The following MAST4 variants were observed in gnomAD, a reference collection of about 807,000 sequenced individuals.
The protein encoded by MAST4 is microtubule associated serine/threonine kinase family member 4.
A neutral mutation model predicts 162.7 loss-of-function variants in MAST4; 89 were observed. That is an observed-to-expected ratio of 0.55 (90% CI 0.46 to 0.65). MAST4 has a LOEUF of 0.65. Ranked by LOEUF, MAST4 falls within the 30% of genes least tolerant of loss-of-function variation. The pLI is 0.00. For missense variants in MAST4, 3,153 were observed against 3,374.0 expected, an observed-to-expected ratio of 0.93 and a Z score of 1.62; for synonymous variants, 1,479 against 1,361.1, an observed-to-expected ratio of 1.09 and a Z score of -1.91.
intron 4 of MAST4, among the ~76,000 whole-genome samples, chr5:66,957,302 T>C (rs1373780214): frequency 2.0e-5 from 3 of 152,082 alleles, no homozygotes; most frequent in Non-Finnish European, 4.4e-5. Flanking sequence ...CGACCAACTT[T>C]CCTAAGGAAA....
intron 2 of MAST4, among the ~76,000 whole-genome samples, chr5:66,768,422 A>C (rs1370733469): frequency 1.3e-5 from 2 of 152,214 alleles, no homozygotes; most frequent in Non-Finnish European, 1.5e-5. Flanking sequence ...CAGGTAGTTC[A>C]AGTGCACCTA....
chr5:66,837,894 ATTTTTTTTTTTTT>A (rs754095073), intron 3 of MAST4, among the ~76,000 whole-genome samples: 199 of 53,684 alleles, frequency 3.7e-3, no homozygotes, highest in African/African-American at 0.013. Context: ...ATATATATAT[ATTTTTTTTTTTTT>A]TTTTTTTTTT....
At chr5:66,985,157 A>T (rs1749337304) in intron 4 of MAST4, among the ~76,000 whole-genome samples, 1 of 152,176 alleles carries the variant, frequency 6.6e-6, no homozygotes, top group East Asian at 1.9e-4. Flanking sequence ...GAGGAAGACC[A>T]GCCAGGTGAT....
At chr5:66,920,877 T>G (rs748914846) in intron 4 of MAST4, among the ~76,000 whole-genome samples, 1 of 152,200 alleles carries the variant, frequency 6.6e-6, no homozygotes, top group Admixed American at 6.5e-5. Context: ...TAGAGAACTT[T>G]TCTGTTTTTG....
At chr5:66,920,870 A>G (rs1301923896) in intron 4 of MAST4, among the ~76,000 whole-genome samples, 1 of 152,224 alleles carries the variant, frequency 6.6e-6, no homozygotes, top group Non-Finnish European at 1.5e-5. Flanking sequence ...ATTAGAATAG[A>G]GAACTTTTCT....
chr5:66,981,526 G>C (rs1311174741), intron 4 of MAST4, among the ~76,000 whole-genome samples: 2 of 152,148 alleles, frequency 1.3e-5, no homozygotes, highest in Non-Finnish European at 2.9e-5. Flanking sequence ...CCTGCGCCAG[G>C]GATTTGCCAA....
intron 1 of MAST4, among the ~76,000 whole-genome samples, chr5:66,722,856 C>A (rs1359515383): frequency 2.0e-5 from 3 of 152,152 alleles, no homozygotes; most frequent in Non-Finnish European, 4.4e-5. Context: ...ACCCTCCTTA[C>A]TTCCGAGTCA....
chr5:67,020,093 G>A (rs1041145363), intron 4 of MAST4, among the ~76,000 whole-genome samples: 2 of 152,128 alleles, frequency 1.3e-5, no homozygotes, highest in African/African-American at 4.8e-5. Flanking sequence ...TTGAGTTTCA[G>A]GCACTGAACT....
intron 4 of MAST4, among the ~76,000 whole-genome samples, chr5:66,968,219 A>G (rs977986147): frequency 6.6e-6 from 1 of 152,096 alleles, no homozygotes; most frequent in African/African-American, 2.4e-5. Flanking sequence ...ATCTTCCTGG[A>G]TGATAACCAC....
chr5:66,903,330 A>G (rs1195659562), intron 4 of MAST4, among the ~76,000 whole-genome samples: 1 of 152,162 alleles, frequency 6.6e-6, no homozygotes, highest in Non-Finnish European at 1.5e-5. Flanking sequence ...TTTATGTAAA[A>G]TACTCAGTGA....
At chr5:67,014,610 A>G (rs976036138) in intron 4 of MAST4, among the ~76,000 whole-genome samples, 5 of 152,172 alleles carry the variant, frequency 3.3e-5, no homozygotes, top group African/African-American at 1.2e-4. Flanking sequence ...CTCTCCTGTG[A>G]AGTTCAGGCA....
intron 4 of MAST4, among the ~76,000 whole-genome samples, chr5:66,928,183 T>C (rs1029407604): frequency 6.6e-6 from 1 of 152,202 alleles, no homozygotes. Context: ...CAGTGCATAA[T>C]ACCCCTTCTG....
At chr5:67,035,424 G>A (rs1358937631) in intron 4 of MAST4, among the ~76,000 whole-genome samples, 2 of 152,136 alleles carry the variant, frequency 1.3e-5, no homozygotes, top group Non-Finnish European at 2.9e-5. Flanking sequence ...GGTATTGTGG[G>A]TTGTCATTGA....
intron 1 of MAST4, among the ~76,000 whole-genome samples, chr5:66,672,653 C>A (rs1747680301): frequency 6.6e-6 from 1 of 152,132 alleles, no homozygotes; most frequent in African/African-American, 2.4e-5. Flanking sequence ...CTTTCTGCCG[C>A]CTGTGATGCA....
In MAST4 at chr5:67,163,935, A is replaced by G. The variant is rs1421311289; in HGVS notation, c.4756A>G (p.Thr1586Ala). Residue 1586 changes from threonine to alanine, a missense_variant, in exon 29 of 29, where the codon ACT becomes GCT. By Grantham distance (58) the Thr-to-Ala change is moderately conservative (BLOSUM62 0). Transcript: ENST00000403625. This position sits in a 1 kb window ranked among gnomAD's most constrained non-coding sequence, Gnocchi z 7.0. ...TCCGAAGGCTGTGGAAAGGTCAAGT[A>G]CTTTTGAAAACAAAGCGTCTATGCA... ...VYPKAVERSS[T>A]FENKASMQEA... The G allele has an allele frequency of 6.2e-7, 1 of 1,613,796 alleles. No homozygotes were observed. The highest frequency in any genetic ancestry group is 1.1e-5 in the South Asian group (1 of 91,018).
rs34963439 is a variant in MAST4, at chr5:66,907,158, CGAGAGAGAGAGAGAGAGAGAGAGAGAGA to C, written c.674+7198_674+7225del. ...AAAGGAAAAATAACTCTCAGCAAAG[CGAGAGAGAGAGAGAGAGAGAGAGAGAGA>C]GAGAGAGAGAGAGAGAGAGAGTCCT... On this transcript the variant is annotated intron_variant, in intron 4 of 28. Coordinates refer to ENST00000403625, the MANE Select transcript of MAST4 (RefSeq NM_001164664.2). Among the ~76,000 whole-genome samples the C allele has an allele frequency of 2.0e-3, 213 of 104,358 alleles. 1 individual carries two copies. Among genetic ancestry groups the C allele is most frequent in the Non-Finnish European group, 1.5e-3 (77 of 52,036 alleles). The allele number at this position is 104,358 out of a possible 152,430, so 68.5% of individuals were successfully genotyped here. A position where few individuals can be genotyped will look rare whatever the true frequency, so the allele number is the denominator to read the frequency against.
At chr5:66,996,766 T>C (rs1750697581) in intron 4 of MAST4, among the ~76,000 whole-genome samples, 1 of 152,210 alleles carries the variant, frequency 6.6e-6, no homozygotes, top group Non-Finnish European at 1.5e-5. Flanking sequence ...TGCCTCACTT[T>C]CATAGAGACA....
chr5:66,712,867 A>G (rs1750585056), intron 1 of MAST4, among the ~76,000 whole-genome samples: 1 of 152,238 alleles, frequency 6.6e-6, no homozygotes. Flanking sequence ...GTTTTGTTTT[A>G]GTGAAACCTA....
intron 3 of MAST4, among the ~76,000 whole-genome samples, chr5:66,836,737 A>G (rs936846385): frequency 6.6e-6 from 1 of 152,130 alleles, no homozygotes; most frequent in Non-Finnish European, 1.5e-5. Context: ...AATGGGAGCT[A>G]AACACTGAGT....
Sources: allele counts gnomAD v4.1 joint callset (sites outside exome capture counted in the v4.1 genomes callset), GRCh38; gene constraint gnomAD v4.1.1; non-coding constraint Gnocchi (gnomAD v3.1); transcripts MANE v1.5; gene names NCBI Gene and HGNC (gene_info 2026-07-23, HGNC 2026-07-21).